BLTP1: variants seen among roughly 807,000 people sequenced by gnomAD.
The protein encoded by BLTP1 is bridge-like lipid transfer protein family member 1.
At chr4:122,254,497 T>C in the BLTP1 span, 1 of 1,314,000 alleles carries the variant, frequency 7.6e-7, no homozygotes, top group Non-Finnish European at 1.0e-6. Context: ...ATATGTTCTG[T>C]AGACATTAGT....
chr4:122,153,842 T>A, the BLTP1 span: 1 of 254,476 alleles, frequency 3.9e-6, no homozygotes, highest in Non-Finnish European at 6.2e-6. Context: ...AGTTGTAGTT[T>A]TATTTTATAC....
the BLTP1 span, among the ~76,000 whole-genome samples, chr4:122,293,379 G>A: frequency 6.6e-6 from 1 of 152,176 alleles, no homozygotes; most frequent in Non-Finnish European, 1.5e-5. Context: ...GGAGGGCAAG[G>A]AAAAGCAGGG....
chr4:122,219,283 G>A, the BLTP1 span: 1 of 1,576,900 alleles, frequency 6.3e-7, no homozygotes. Flanking sequence ...GCTCATAGGT[G>A]AAAATATATT....
the BLTP1 span, chr4:122,200,115 A>T: frequency 2.3e-6 from 2 of 875,048 alleles, no homozygotes; most frequent in Non-Finnish European, 2.7e-6. Flanking sequence ...TTTACATATG[A>T]CATATGTAAA....
the BLTP1 span, chr4:122,352,705 T>A: frequency 1.0e-5 from 2 of 193,238 alleles, no homozygotes; most frequent in Non-Finnish European, 1.9e-5. Context: ...ACTACTTTCC[T>A]TAGCTATATC....
chr4:122,326,145 T>C, the BLTP1 span, among the ~76,000 whole-genome samples: 9 of 151,774 alleles, frequency 5.9e-5, 1 homozygote, highest in South Asian at 1.9e-3. Context: ...ATCAAATCAA[T>C]TCAACCAAAT....
At chr4:122,268,997 G>A in the BLTP1 span, 2 of 382,976 alleles carry the variant, frequency 5.2e-6, no homozygotes, top group Non-Finnish European at 7.2e-6. Context: ...CTTATTGGGA[G>A]ACTTGTTATT....
At chr4:122,246,419 T>G in the BLTP1 span, 3 of 1,096,972 alleles carry the variant, frequency 2.7e-6, no homozygotes, top group Non-Finnish European at 3.7e-6. Flanking sequence ...AAAAATATGT[T>G]TTATTTCTAT....
chr4:122,309,948 T>G, the BLTP1 span, among the ~76,000 whole-genome samples: 3 of 152,172 alleles, frequency 2.0e-5, no homozygotes. Flanking sequence ...TATTCAAGGT[T>G]GGGTATAACT....
At chr4:122,247,910 C>T in the BLTP1 span, 2 of 979,824 alleles carry the variant, frequency 2.0e-6, no homozygotes, top group Non-Finnish European at 2.4e-6. Context: ...TAAATGTTTT[C>T]AGAATGTCAG....
chr4:122,279,569 T>A, the BLTP1 span, among the ~76,000 whole-genome samples: 1 of 152,202 alleles, frequency 6.6e-6, no homozygotes, highest in East Asian at 1.9e-4. Context: ...GAAGATCATG[T>A]TCACATGTTT....
At chr4:122,152,501 C>G in the BLTP1 span, 16 of 985,656 alleles carry the variant, frequency 1.6e-5, no homozygotes, top group Non-Finnish European at 1.9e-5. Flanking sequence ...CTGCTGCCGT[C>G]GCCGCCCCTG....
chr4:122,348,700 T>A, the BLTP1 span: 1 of 1,598,264 alleles, frequency 6.3e-7, no homozygotes, highest in Non-Finnish European at 8.5e-7. Context: ...ATATGAGTAA[T>A]GTAATGGGAA....
chr4:122,234,268 A>G, the BLTP1 span: 1 of 389,624 alleles, frequency 2.6e-6, no homozygotes. Context: ...GGAGTGGTTC[A>G]TTATTTTAAT....
chr4:122,182,604 C>T, the BLTP1 span: 18 of 978,900 alleles, frequency 1.8e-5, no homozygotes, highest in Non-Finnish European at 2.1e-5. Flanking sequence ...ATAAGGCATT[C>T]ACAGGAGCCC....
chr4:122,331,436 G>T, the BLTP1 span: 1 of 1,612,066 alleles, frequency 6.2e-7, no homozygotes, highest in Non-Finnish European at 8.5e-7. Flanking sequence ...GCTACAGAGA[G>T]AAATATTGAC....
At chr4:122,204,483 T>C in the BLTP1 span, 3 of 946,776 alleles carry the variant, frequency 3.2e-6, no homozygotes, top group Admixed American at 6.2e-5. Context: ...CATAGAAACA[T>C]TGCATGACTT....
chr4:122,277,394 T>TAA, the BLTP1 span: 1 of 942,602 alleles, frequency 1.1e-6, no homozygotes. Flanking sequence ...TACTTCATTA[T>TAA]GGCTTCTACA....
chr4:122,341,104 C>T, the BLTP1 span, among the ~76,000 whole-genome samples: 1 of 151,994 alleles, frequency 6.6e-6, no homozygotes, highest in African/African-American at 2.4e-5. Context: ...GGTTATTTTG[C>T]TTTCAAAATA....
Sources: gnomAD v4.1 joint callset for allele counts (sites outside exome capture counted in the v4.1 genomes callset) on GRCh38, gnomAD v4.1.1 for gene constraint, MANE v1.5 for transcripts, NCBI Gene and HGNC (gene_info 2026-07-23, HGNC 2026-07-21) for gene names.